KIAA0825: variants seen among roughly 807,000 people sequenced by gnomAD.
KIAA0825 encodes the protein KIAA0825, also known as uncharacterized protein KIAA0825.
In KIAA0825, 119 loss-of-function variants were observed where a neutral mutation model predicts 147.6. That is an observed-to-expected ratio of 0.81 (90% confidence interval 0.69 to 0.94). The LOEUF (loss-of-function observed/expected upper bound fraction) is 0.94, where lower values mean the gene tolerates loss of function less well. Among genes scored for constraint, KIAA0825 ranks in the 40% least tolerant of loss-of-function variants. The probability of loss-of-function intolerance (pLI) is 0.00; values close to 1 mark genes in which losing one functional copy is unlikely to be tolerated. For missense variants in KIAA0825, 1,381 were observed against 1,472.7 expected (o/e 0.94, Z 1.02); for synonymous variants, 470 against 518.1 (o/e 0.91, Z 1.26).
chr5:94,311,549 C>T (rs953790339), intron 20 of KIAA0825, among the ~76,000 whole-genome samples: 1 of 151,486 alleles, frequency 6.6e-6, no homozygotes, highest in Non-Finnish European at 1.5e-5. Context: ...ACTAACACCA[C>T]CAAAAAATCA....
intron 2 of KIAA0825, among the ~76,000 whole-genome samples, chr5:94,566,020 T>C (rs1386402301): frequency 6.6e-6 from 1 of 152,226 alleles, no homozygotes; most frequent in East Asian, 1.9e-4. Flanking sequence ...AGTGAGAACA[T>C]GCCATATCTA....
chr5:94,383,539 C>A (rs531739170), intron 20 of KIAA0825, among the ~76,000 whole-genome samples: 26 of 152,144 alleles, frequency 1.7e-4, no homozygotes, highest in Admixed American at 1.2e-3. Context: ...TCAAACTTAG[C>A]TATAAGCACA....
intron 11 of KIAA0825, among the ~76,000 whole-genome samples, chr5:94,463,621 C>T (rs1760108108): frequency 6.6e-6 from 1 of 150,886 alleles, no homozygotes; most frequent in South Asian, 2.1e-4. Flanking sequence ...TTAGGATTAA[C>T]CAGTCAAATA....
At chr5:94,365,773 C>T (rs760017415) in intron 20 of KIAA0825, among the ~76,000 whole-genome samples, 8 of 152,174 alleles carry the variant, frequency 5.3e-5, no homozygotes, top group African/African-American at 1.4e-4. Flanking sequence ...TTCCTGCCTG[C>T]GGACTAGACT....
At chr5:94,158,876 G>A (rs968778343) in intron 20 of KIAA0825, among the ~76,000 whole-genome samples, 6 of 152,088 alleles carry the variant, frequency 3.9e-5, no homozygotes, top group African/African-American at 7.2e-5. Flanking sequence ...ATAATGCCTC[G>A]TTTATAGCAA....
At chr5:94,212,996 T>C (rs1205383940) in intron 20 of KIAA0825, among the ~76,000 whole-genome samples, 2 of 152,236 alleles carry the variant, frequency 1.3e-5, no homozygotes, top group African/African-American at 4.8e-5. Flanking sequence ...AAATACATTA[T>C]GTACATTATC....
chr5:94,315,892 G>A (rs988172096), intron 20 of KIAA0825, among the ~76,000 whole-genome samples: 8 of 151,584 alleles, frequency 5.3e-5, no homozygotes, highest in Admixed American at 2.6e-4. Flanking sequence ...TGTTGTTCAC[G>A]GTGTTATGTG....
At chr5:94,599,469 G>T (rs143887980) in intron 1 of KIAA0825, among the ~76,000 whole-genome samples, 1 of 145,340 alleles carries the variant, frequency 6.9e-6, no homozygotes, top group Non-Finnish European at 1.5e-5. Context: ...AACATACAAA[G>T]AATTATACTT....
At chr5:94,224,917 A>G (rs898585215) in intron 20 of KIAA0825, among the ~76,000 whole-genome samples, 2 of 152,154 alleles carry the variant, frequency 1.3e-5, no homozygotes, top group Non-Finnish European at 2.9e-5. Context: ...TCTCTAAATT[A>G]AGAACATGTT....
intron 20 of KIAA0825, among the ~76,000 whole-genome samples, chr5:94,250,417 T>G (rs1775889214): frequency 6.6e-6 from 1 of 152,150 alleles, no homozygotes; most frequent in South Asian, 2.1e-4. Flanking sequence ...TTACATGCTA[T>G]GAGAAAACTG....
At position 94,565,095 on chromosome 5, in the gene KIAA0825, C is replaced by CTTTTTTTTTTTT. The variant is rs1176429699; in HGVS notation, c.-2+17326_-2+17337dup. Reference sequence around the variant, plus strand: ...CTCTTTCTCTCTCTTTCTTGCTTTCCTTTTTTTTTTTTTTTTTTGGTAGAG... The same window carrying CTTTTTTTTTTTT: ...CTCTTTCTCTCTCTTTCTTGCTTTCCTTTTTTTTTTTTTTTTTTTTTTTTTTTTTTGGTAGAG... On this transcript the variant is annotated intron_variant, in intron 2 of 20. Transcript: ENST00000682413. Among the ~76,000 whole-genome samples the CTTTTTTTTTTTT allele has an allele frequency of 1.9e-3, 102 of 52,922 alleles. 8 individuals carry two copies. Among genetic ancestry groups the CTTTTTTTTTTTT allele is most frequent in the African/African-American group, 7.2e-3 (92 of 12,746 alleles). 34.7% of individuals were successfully genotyped at this position (52,922 alleles called of 152,430 possible).
At chr5:94,400,291 T>A (rs1027693931) in intron 16 of KIAA0825, among the ~76,000 whole-genome samples, 1 of 152,176 alleles carries the variant, frequency 6.6e-6, no homozygotes, top group African/African-American at 2.4e-5. Context: ...ATTTGCAATA[T>A]TTTACATCAT....
At chr5:94,259,737 T>C (rs1279986396) in intron 20 of KIAA0825, among the ~76,000 whole-genome samples, 1 of 152,018 alleles carries the variant, frequency 6.6e-6, no homozygotes, top group Non-Finnish European at 1.5e-5. Flanking sequence ...CAGCTTCATT[T>C]TTAATAGTTT....
intron 2 of KIAA0825, among the ~76,000 whole-genome samples, chr5:94,564,555 T>A (rs1778257060): frequency 6.7e-6 from 1 of 149,664 alleles, no homozygotes; most frequent in Non-Finnish European, 1.5e-5. Context: ...TGTGTGTGTG[T>A]GTGTGTGTGT....
intron 20 of KIAA0825, among the ~76,000 whole-genome samples, chr5:94,330,457 G>A (rs1359137151): frequency 6.6e-6 from 1 of 152,158 alleles, no homozygotes; most frequent in Non-Finnish European, 1.5e-5. Context: ...TATTAAAAAT[G>A]TAAATAACCC....
intron 3 of KIAA0825, among the ~76,000 whole-genome samples, chr5:94,533,635 A>G (rs957227827): frequency 6.6e-6 from 1 of 152,214 alleles, no homozygotes; most frequent in African/African-American, 2.4e-5. Context: ...TGTTAAACTA[A>G]TAAGTACCAC....
At chr5:94,535,787 T>C (rs1213942026) in intron 3 of KIAA0825, among the ~76,000 whole-genome samples, 1 of 152,204 alleles carries the variant, frequency 6.6e-6, no homozygotes, top group African/African-American at 2.4e-5. Context: ...CAAAAAAGTT[T>C]CTTTCTCCTC....
In KIAA0825 at chr5:94,255,744, G is replaced by T. The variant is rs1466006378; in HGVS notation, c.3711-101620C>A. ...TTTTTTTTTTTTTTTTTTGAGACAGGGTCTCACTCTGTTGCCCAGGCTGGA... is the reference window on the plus strand; with the variant it reads ...TTTTTTTTTTTTTTTTTTGAGACAGTGTCTCACTCTGTTGCCCAGGCTGGA... On this transcript the variant is annotated intron_variant, in intron 20 of 20. Transcript: ENST00000682413. Among the ~76,000 whole-genome samples the T allele has an allele frequency of 4.0e-4, 41 of 102,576 alleles. 2 individuals are homozygous for T. The highest frequency in any genetic ancestry group is 3.0e-3 in the Admixed American group (21 of 6,974). 67.3% of individuals were successfully genotyped at this position (102,576 alleles called of 152,430 possible). A position where few individuals can be genotyped will look rare whatever the true frequency, so the allele number is the denominator to read the frequency against.
At chr5:94,159,598 CATATATGT>C (rs913800866) in intron 20 of KIAA0825, among the ~76,000 whole-genome samples, 1 of 152,002 alleles carries the variant, frequency 6.6e-6, no homozygotes, top group Non-Finnish European at 1.5e-5. Flanking sequence ...ATAAATATTG[CATATATGT>C]ATATATGTAT....
Sources: gnomAD v4.1 joint callset for allele counts (sites outside exome capture counted in the v4.1 genomes callset) on GRCh38, gnomAD v4.1.1 for gene constraint, MANE v1.5 for transcripts, NCBI Gene and HGNC (gene_info 2026-07-23, HGNC 2026-07-21) for gene names.